UBN2: variants seen among roughly 807,000 people sequenced by gnomAD.
UBN2 encodes ubinuclein-2.
UBN2 carries 35 observed loss-of-function variants against 120.2 expected under a neutral mutation model. The ratio of observed to expected loss-of-function variants is 0.29; its 90% CI spans 0.22 to 0.39. The LOEUF (loss-of-function observed/expected upper bound fraction) is 0.39. UBN2 is among the 10% of genes least tolerant of loss of function. The probability of loss-of-function intolerance (pLI) is 1.00; values close to 1 mark genes in which losing one functional copy is unlikely to be tolerated. For synonymous variants in UBN2, 661 were observed against 648.7 expected, an observed-to-expected ratio of 1.02 and a Z score of -0.29; for missense variants, 1,693 against 1,663.2, an observed-to-expected ratio of 1.02 and a Z score of -0.31.
rs912494777 is a variant in UBN2, at chr7:139,284,636, T to C, written c.3669+62T>C. Reference sequence around the variant, plus strand: ...AGATTGTATAATGTCGTCTTTCTTGTGGGTAACTTTAATAAGCTTTTTATG... The same window carrying C: ...AGATTGTATAATGTCGTCTTTCTTGCGGGTAACTTTAATAAGCTTTTTATG... On this transcript the variant is annotated intron_variant, in intron 15 of 17. Coordinates refer to ENST00000473989, the MANE Select transcript of UBN2 (RefSeq NM_173569.4). 188 of 1,427,446 alleles carry C rather than the reference T, an allele frequency of 1.3e-4. 1 individual carries two copies. Among genetic ancestry groups the C allele is most frequent in the Middle Eastern group, 4.0e-4 (2 of 4,962 alleles). 88.4% of individuals were successfully genotyped at this position (1,427,446 alleles called of 1,614,324 possible). A position where few individuals can be genotyped will look rare whatever the true frequency, so the allele number is the denominator to read the frequency against.
chr7:139,324,030 T>C, the UBN2 span, among the ~76,000 whole-genome samples: 2 of 152,222 alleles, frequency 1.3e-5, no homozygotes, highest in Middle Eastern at 6.8e-3. Context: ...TACTCTGAAG[T>C]ACTGTGTGGT....
chr7:139,251,841 C>A (rs1796632531), intron 2 of UBN2, 115 bp from the exon 3 acceptor site: 1 of 861,054 alleles, frequency 1.2e-6, no homozygotes, highest in Non-Finnish European at 1.9e-6. Flanking sequence ...GGACTTAAAC[C>A]TCCTGGAGAG....
chr7:139,292,604 T>C (rs1797992650), intron 15 of UBN2, among the ~76,000 whole-genome samples: 1 of 152,130 alleles, frequency 6.6e-6, no homozygotes, highest in Non-Finnish European at 1.5e-5. Flanking sequence ...TGCTAGGAGT[T>C]GGGGAAGAGC....
intron 6 of UBN2, among the ~76,000 whole-genome samples, chr7:139,264,291 ACTATAT>A (rs1797026298): frequency 6.6e-6 from 1 of 152,006 alleles, no homozygotes; most frequent in Non-Finnish European, 1.5e-5. Context: ...GTTGTTGTTG[ACTATAT>A]CTATGGTTAT....
chr7:139,270,651 T>G (rs1384267360), intron 8 of UBN2, among the ~76,000 whole-genome samples: 1 of 152,232 alleles, frequency 6.6e-6, no homozygotes, highest in East Asian at 1.9e-4. Context: ...ATTTTACTAC[T>G]TATGGATATT....
the UBN2 span, among the ~76,000 whole-genome samples, chr7:139,328,095 A>G: frequency 6.6e-6 from 1 of 152,216 alleles, no homozygotes; most frequent in African/African-American, 2.4e-5. Context: ...TTGAAAGATT[A>G]TATCAAAAAG....
intron 16 of UBN2, 108 bp downstream of exon 16, chr7:139,293,571 AG>A: frequency 1.4e-5 from 11 of 798,770 alleles, no homozygotes; most frequent in Non-Finnish European, 2.1e-5. Context: ...TGAAGATTAT[AG>A]TTTTTTTTTT....
intron 15 of UBN2, among the ~76,000 whole-genome samples, chr7:139,287,863 T>C (rs1797836908): frequency 6.6e-6 from 1 of 152,194 alleles, no homozygotes. Flanking sequence ...AGTTCCTATC[T>C]ATGCCTGTAA....
chr7:139,304,106 A>C lies in UBN2; in HGVS notation c.*6270A>C, dbSNP rs888191487. Reference sequence around the variant, plus strand: ...AATGAGTATGATGTCTCATTCTTGCAAATCAGAGATTGTGTACTAATTCCA... The same window carrying C: ...AATGAGTATGATGTCTCATTCTTGCCAATCAGAGATTGTGTACTAATTCCA... On this transcript the variant is annotated 3_prime_UTR_variant, in exon 18 of 18. Transcript: ENST00000473989. The C allele has an allele frequency of 2.0e-5, 3 of 152,164 alleles. No individual in the cohort carries two copies. The highest frequency in any genetic ancestry group is 7.2e-5 in the African/African-American group (3 of 41,432). 9.4% of individuals were successfully genotyped at this position (152,164 alleles called of 1,614,324 possible). A position where few individuals can be genotyped will look rare whatever the true frequency, so the allele number is the denominator to read the frequency against.
chr7:139,287,120 T>G (rs1191570556), intron 15 of UBN2, among the ~76,000 whole-genome samples: 2 of 152,208 alleles, frequency 1.3e-5, no homozygotes, highest in East Asian at 3.8e-4. Flanking sequence ...AAAAGGTATA[T>G]GGAAGATTGG....
intron 15 of UBN2, among the ~76,000 whole-genome samples, chr7:139,289,337 G>C (rs183384227): frequency 2.0e-5 from 3 of 151,478 alleles, no homozygotes; most frequent in Non-Finnish European, 4.4e-5. Context: ...ATGTTAGACA[G>C]TTATGGCATA....
At chr7:139,234,002 C>A (rs1426225128) in intron 1 of UBN2, among the ~76,000 whole-genome samples, 1 of 151,912 alleles carries the variant, frequency 6.6e-6, no homozygotes, top group Non-Finnish European at 1.5e-5. Flanking sequence ...ATCACCTTTG[C>A]AACAAAGATT....
At chr7:139,251,444 A>G (rs1220018960) in intron 2 of UBN2, among the ~76,000 whole-genome samples, 1 of 152,212 alleles carries the variant, frequency 6.6e-6, no homozygotes, top group Non-Finnish European at 1.5e-5. Context: ...AGGTTACCAT[A>G]TTAAACTTAG....
intron 2 of UBN2, among the ~76,000 whole-genome samples, chr7:139,246,373 A>C (rs2130948270): frequency 2.0e-5 from 3 of 152,282 alleles, no homozygotes; most frequent in East Asian, 3.9e-4. Context: ...GTCTCAAAAA[A>C]AATTTGAGGG....
intron 1 of UBN2, among the ~76,000 whole-genome samples, chr7:139,233,185 A>G (rs1796075123): frequency 6.6e-6 from 1 of 152,234 alleles, no homozygotes; most frequent in Non-Finnish European, 1.5e-5. Context: ...ATGTGGTCAA[A>G]TCATTACAAA....
chr7:139,241,857 G>A (rs2130938227), intron 2 of UBN2, among the ~76,000 whole-genome samples: 1 of 152,232 alleles, frequency 6.6e-6, no homozygotes, highest in East Asian at 1.9e-4. Flanking sequence ...AATTAGCTGG[G>A]CATGGTGGTG....
At chr7:139,242,992 T>C (rs1222313483) in intron 2 of UBN2, among the ~76,000 whole-genome samples, 3 of 152,212 alleles carry the variant, frequency 2.0e-5, no homozygotes, top group African/African-American at 7.2e-5. Context: ...TTTTTAGTAA[T>C]CAGGGTCATT....
At position 139,293,864 on chromosome 7, in the gene UBN2, A is replaced by C. The variant is rs547377299; in HGVS notation, c.3902-25A>C. On this transcript the variant is annotated intron_variant, in intron 16 of 17. Coordinates refer to ENST00000473989, the MANE Select transcript of UBN2 (RefSeq NM_173569.4). ...GGGCTCAAATCTGGATTTAAAGATGACTGACAAGTCTGTTTTCCTCTCAGA... is the reference window on the plus strand; with the variant it reads ...GGGCTCAAATCTGGATTTAAAGATGCCTGACAAGTCTGTTTTCCTCTCAGA... 5 of 1,606,676 alleles carry C rather than the reference A, an allele frequency of 3.1e-6. No homozygotes were observed. In the South Asian group the frequency reaches 5.5e-5, roughly 18 times the overall value.
At chr7:139,297,765 A>G in intron 17 of UBN2, 22 bp from the exon 18 acceptor site, 1 of 1,613,878 alleles carries the variant, frequency 6.2e-7, no homozygotes, top group African/African-American at 1.3e-5. Flanking sequence ...ACCCATACCA[A>G]TTTAACGTCT....
Sources: allele counts gnomAD v4.1 joint callset (sites outside exome capture counted in the v4.1 genomes callset), GRCh38; gene constraint gnomAD v4.1.1; transcripts MANE v1.5; gene names NCBI Gene and HGNC (gene_info 2026-07-23, HGNC 2026-07-21).